Variants in THSD4 observed in about 807,000 individuals in gnomAD.
THSD4 encodes thrombospondin type 1 domain containing 4.
Under a neutral mutation model 119.0 loss-of-function variants are expected in THSD4, and 69 were observed. The observed-to-expected ratio is 0.58, with a 90% CI of 0.48 to 0.71. THSD4 has a LOEUF of 0.71. THSD4 is among the 30% of genes least tolerant of loss of function. THSD4 has a pLI of 0.00. For missense variants in THSD4, 1,393 were observed against 1,391.1 expected (o/e 1.00, Z -0.02); for synonymous variants, 524 against 540.4 (o/e 0.97, Z 0.42).
chr15:71,570,561 C>T (rs2049331056), intron 7 of THSD4, among the ~76,000 whole-genome samples: 1 of 152,124 alleles, frequency 6.6e-6, no homozygotes, highest in East Asian at 1.9e-4. Flanking sequence ...TGCACACCAC[C>T]ACGCCTGGCT....
chr15:71,222,882 A>C (rs1382366925), intron 4 of THSD4, among the ~76,000 whole-genome samples: 1 of 152,210 alleles, frequency 6.6e-6, no homozygotes, highest in Non-Finnish European at 1.5e-5. Flanking sequence ...TTATGAGTGC[A>C]GCTTCTGGGA....
At chr15:71,661,883 A>G (rs1486662372) in intron 8 of THSD4, among the ~76,000 whole-genome samples, 7 of 152,154 alleles carry the variant, frequency 4.6e-5, no homozygotes, top group Admixed American at 3.9e-4. Context: ...CAAGCATTCA[A>G]TCTTTGAATT....
chr15:71,138,352 G>A (rs1211894498), intron 1 of THSD4, among the ~76,000 whole-genome samples: 1 of 152,130 alleles, frequency 6.6e-6, no homozygotes, highest in Non-Finnish European at 1.5e-5. Context: ...TTCCCACCTG[G>A]TCCCTCCCTT....
chr15:71,608,499 T>A (rs577229070), intron 7 of THSD4, among the ~76,000 whole-genome samples: 1 of 152,312 alleles, frequency 6.6e-6, no homozygotes, highest in African/African-American at 2.4e-5. Context: ...ATAATTTATT[T>A]AATCATTTCC....
chr15:71,408,766 G>A (rs955532793), intron 6 of THSD4, among the ~76,000 whole-genome samples: 10 of 152,020 alleles, frequency 6.6e-5, no homozygotes, highest in East Asian at 1.9e-4. Context: ...ATGGGATGAC[G>A]GCTTGAGCCT....
At chr15:71,409,964 C>T (rs2046663135) in intron 6 of THSD4, among the ~76,000 whole-genome samples, 1 of 151,352 alleles carries the variant, frequency 6.6e-6, no homozygotes, top group Admixed American at 6.6e-5. Flanking sequence ...ATATATCTTG[C>T]CTGAAATTTA....
At chr15:71,142,746 A>G (rs931943068) in intron 2 of THSD4, among the ~76,000 whole-genome samples, 1 of 152,212 alleles carries the variant, frequency 6.6e-6, no homozygotes, top group Non-Finnish European at 1.5e-5. Flanking sequence ...TACTATTTAA[A>G]TAAATTGACT....
At chr15:71,724,498 G>A (rs897649303) in intron 8 of THSD4, among the ~76,000 whole-genome samples, 2 of 151,388 alleles carry the variant, frequency 1.3e-5, no homozygotes, top group Non-Finnish European at 2.9e-5. Context: ...TGTTGGCCAG[G>A]ATGGTCTTGA....
At chr15:71,332,610 G>A (rs897319191) in intron 6 of THSD4, among the ~76,000 whole-genome samples, 2 of 152,090 alleles carry the variant, frequency 1.3e-5, no homozygotes, top group African/African-American at 2.4e-5. Context: ...TTTGAACCCC[G>A]GTTGAAGTCT....
At chr15:71,299,108 A>G (rs945576757) in intron 6 of THSD4, among the ~76,000 whole-genome samples, 1 of 152,248 alleles carries the variant, frequency 6.6e-6, no homozygotes, top group Admixed American at 6.5e-5. Context: ...AATGACCATT[A>G]AAAGAGGCGG....
rs185567812 is a variant in THSD4, at chr15:71,654,671, G to T, written c.1153-5859G>T. ...ACAGAATGTCATGAATAAACGTTTT[G>T]GCATCCATATGCATTTCCACGAATT... On this transcript the variant is annotated intron_variant, in intron 7 of 17. Coordinates refer to ENST00000261862, the MANE Select transcript of THSD4 (RefSeq NM_024817.3). Among the ~76,000 whole-genome samples, 4 of 152,210 alleles carry T rather than the reference G, an allele frequency of 2.6e-5. No homozygotes were observed. In the East Asian group the frequency reaches 7.7e-4, roughly 29 times the overall value.
At chr15:71,561,891 C>T (rs1354093079) in intron 7 of THSD4, among the ~76,000 whole-genome samples, 1 of 98,998 alleles carries the variant, frequency 1.0e-5, no homozygotes, top group Non-Finnish European at 2.0e-5. Context: ...CACACACACA[C>T]ACACACACAC....
chr15:71,445,183 T>G (rs528208915), intron 7 of THSD4, among the ~76,000 whole-genome samples: 1 of 152,330 alleles, frequency 6.6e-6, no homozygotes, highest in South Asian at 2.1e-4. Flanking sequence ...ATAGTGCTGT[T>G]ACTCTTGGTC....
intron 6 of THSD4, among the ~76,000 whole-genome samples, chr15:71,375,480 T>G (rs1266084469): frequency 6.6e-6 from 1 of 152,122 alleles, no homozygotes; most frequent in Non-Finnish European, 1.5e-5. Flanking sequence ...GTTGTTTGGG[T>G]CACTCTTCCC....
chr15:71,569,123 C>A (rs974646424), intron 7 of THSD4, among the ~76,000 whole-genome samples: 1 of 152,232 alleles, frequency 6.6e-6, no homozygotes, highest in African/African-American at 2.4e-5. Context: ...ATGTGGCCTG[C>A]CACTCAGAAA....
At chr15:71,256,747 T>TC in intron 6 of THSD4, 32 bp downstream of exon 6, 22 of 1,587,656 alleles carry the variant, frequency 1.4e-5, no homozygotes, top group Non-Finnish European at 1.7e-5. Flanking sequence ...TCCATAGAAG[T>TC]TACTTTAGTC....
At chr15:71,097,282 A>C (rs2040234428) in intron 1 of THSD4, among the ~76,000 whole-genome samples, 1 of 152,134 alleles carries the variant, frequency 6.6e-6, no homozygotes, top group East Asian at 1.9e-4. Context: ...TTGAGGTGAA[A>C]GGCTGGGCAC....
intron 1 of THSD4, among the ~76,000 whole-genome samples, chr15:71,138,266 A>T (rs191495634): frequency 6.6e-6 from 1 of 152,268 alleles, no homozygotes; most frequent in Admixed American, 6.5e-5. Flanking sequence ...TACCTTATGA[A>T]ACCATCAGAT....
intron 11 of THSD4, among the ~76,000 whole-genome samples, chr15:71,741,177 A>G (rs1374933051): frequency 6.6e-6 from 1 of 152,148 alleles, no homozygotes; most frequent in Non-Finnish European, 1.5e-5. Context: ...AGCATAAAGA[A>G]TGTGGATTTA....
Sources: gnomAD v4.1 joint callset for allele counts (sites outside exome capture counted in the v4.1 genomes callset) on GRCh38, gnomAD v4.1.1 for gene constraint, MANE v1.5 for transcripts, NCBI Gene and HGNC (gene_info 2026-07-23, HGNC 2026-07-21) for gene names.